PRKCSH: variants seen among roughly 807,000 people sequenced by gnomAD.
PRKCSH encodes glucosidase 2 subunit beta.
In PRKCSH, 42 loss-of-function variants were observed where a neutral mutation model predicts 79.7. The observed-to-expected ratio is 0.53, with a 90% CI of 0.41 to 0.68. The LOEUF is 0.68. Ranked by LOEUF, PRKCSH falls within the 30% of genes least tolerant of loss-of-function variation. The probability of loss-of-function intolerance (pLI) is 0.00; values close to 1 mark genes in which losing one functional copy is unlikely to be tolerated. For synonymous variants in PRKCSH, 325 were observed against 288.2 expected (o/e 1.13, Z -1.29); for missense variants, 686 against 709.0 (o/e 0.97, Z 0.37).
intron 7 of PRKCSH, among the ~76,000 whole-genome samples, chr19:11,443,797 T>C (rs1970174465): frequency 6.6e-6 from 1 of 152,122 alleles, no homozygotes; most frequent in Admixed American, 6.6e-5. Context: ...ATTTTTGAGA[T>C]GGAGTCTCAC....
intron 3 of PRKCSH, 50 bp from the exon 4 acceptor site, chr19:11,437,824 ATG>A: frequency 6.7e-7 from 1 of 1,491,504 alleles, no homozygotes. Context: ...TGGATGGGAC[ATG>A]TCTGTCCCTG....
intron 7 of PRKCSH, 141 bp downstream of exon 7, chr19:11,442,656 C>T (rs565748564): frequency 1.5e-6 from 2 of 1,351,030 alleles, no homozygotes; most frequent in South Asian, 1.3e-5. Context: ...CTTTGAGGTT[C>T]GCTTGGATTG....
rs1250314303 is a variant in PRKCSH at position 11,443,122 on chromosome 19, CT to C, written c.598+613del. Among the ~76,000 whole-genome samples, 31 of 152,184 alleles carry C rather than the reference CT, an allele frequency of 2.0e-4. No individual in the cohort carries two copies. The East Asian group carries it at 5.8e-3, about 29-fold the overall frequency. Reference sequence around the variant, plus strand: ...TATTTGTCTTCACTAATTGTAAGAGCTTTTTTGTGGCTGGGCATGGTGGCTC... The same window carrying C: ...TATTTGTCTTCACTAATTGTAAGAGCTTTTTGTGGCTGGGCATGGTGGCTC... On this transcript the variant is annotated intron_variant, in intron 7 of 17. Transcript: ENST00000677123.
In PRKCSH at chr19:11,449,159, C is replaced by G; in HGVS notation, c.1445C>G (p.Pro482Arg). The change falls in exon 16 of 18, where the codon CCC (proline) becomes CGC (arginine). Residue 482 changes from proline (P) to arginine (R), a missense_variant. This residue lies in a region of PRKCSH where 137 missense variants were observed against 188.8 expected (regional missense o/e 0.73). Transcript: ENST00000677123. This position sits in a 1 kb window ranked among gnomAD's most constrained non-coding sequence, Gnocchi z 6.4. ...YEQGTGCWQGPNRSTTVRLLC... is the reference protein window; with the variant it reads ...YEQGTGCWQGRNRSTTVRLLC... ...CAAGGCACGGGCTGCTGGCAGGGCC[C>G]CAACCGCTCCACCACCGTGAGTGCC... 6.2e-7 allele frequency: 1 copy of G among 1,613,738 alleles called. No individual in the cohort carries two copies. Among genetic ancestry groups the G allele is most frequent in the Non-Finnish European group, 8.5e-7 (1 of 1,180,020 alleles).
In PRKCSH at chr19:11,449,339, A is replaced by T; in HGVS notation, c.1535A>T (p.Glu512Val). 2 of 1,613,396 alleles carry T rather than the reference A, an allele frequency of 1.2e-6. No homozygotes were observed. The highest frequency in any genetic ancestry group is 1.7e-6 in the Non-Finnish European group (2 of 1,179,938). Residue 512 changes from glutamate (E) to valine (V), a missense_variant, in exon 17 of 18, where the codon GAG becomes GTG. By Grantham distance (121) the Glu-to-Val change is moderately radical. This residue lies in a region of PRKCSH where 137 missense variants were observed against 188.8 expected (regional missense o/e 0.73). Coordinates refer to ENST00000677123, the MANE Select transcript of PRKCSH (RefSeq NM_001289104.2). This position sits in a 1 kb window ranked among gnomAD's most constrained non-coding sequence, Gnocchi z 6.4. Reference protein sequence around the residue: ...TEPSRCEYLMELMTPAACPEP... With the variant: ...TEPSRCEYLMVLMTPAACPEP... ...CCCAGTCGCTGCGAGTACCTCATGG[A>T]GCTGATGACGCCAGCCGCCTGCCCG... is the stretch of plus-strand genomic sequence containing the variant.
At chr19:11,445,875 T>G (rs1970272943) in intron 8 of PRKCSH, 4 of 423,352 alleles carry the variant, frequency 9.4e-6, no homozygotes, top group Non-Finnish European at 1.3e-5. Flanking sequence ...ACGGGGAGCC[T>G]AGGAGATGTC....
chr19:11,450,213 C>A (rs1970543553), intron 17 of PRKCSH, among the ~76,000 whole-genome samples: 2 of 151,382 alleles, frequency 1.3e-5, no homozygotes, highest in Admixed American at 1.3e-4. Flanking sequence ...TGGCTCACAT[C>A]TGTAATCCCA....
In PRKCSH at chr19:11,448,743, A is replaced by T; in HGVS notation, c.1286+114A>T. On this transcript the variant is annotated intron_variant, in intron 14 of 17. Coordinates refer to ENST00000677123, the MANE Select transcript of PRKCSH (RefSeq NM_001289104.2). The surrounding 1 kb of genome is among the most constrained non-coding windows in gnomAD (Gnocchi z 4.4). Reference sequence around the variant, plus strand: ...GAACCATCTGCGGGTGGGGCCCGAGAGTGCTGCCTTCCATATTGAGGGGGA... The same window carrying T: ...GAACCATCTGCGGGTGGGGCCCGAGTGTGCTGCCTTCCATATTGAGGGGGA... The T allele has an allele frequency of 7.5e-7, 1 of 1,333,424 alleles. No homozygotes were observed. The highest frequency in any genetic ancestry group is 1.1e-6 in the Non-Finnish European group (1 of 931,368). 82.6% of individuals were successfully genotyped at this position (1,333,424 alleles called of 1,614,324 possible).
Position 11,438,062 on chromosome 19 carries a change from C to G in PRKCSH, c.293-5C>G. ...GTCTGATCTTGGCTTCTGCCTCTGCCACAGACTGCTGCGATGGAACAGACG... is the reference window on the plus strand; with the variant it reads ...GTCTGATCTTGGCTTCTGCCTCTGCGACAGACTGCTGCGATGGAACAGACG... On this transcript the variant is annotated splice_polypyrimidine_tract_variant and splice_region_variant and intron_variant, in intron 4 of 17. Transcript: ENST00000677123. 1 of 1,614,134 alleles carries G rather than the reference C, an allele frequency of 6.2e-7. No individual in the cohort carries two copies. Among genetic ancestry groups the G allele is most frequent in the African/African-American group, 1.3e-5 (1 of 75,062 alleles).
At chr19:11,437,751 C>A in intron 3 of PRKCSH, 125 bp from the exon 4 acceptor site, 1 of 880,906 alleles carries the variant, frequency 1.1e-6, no homozygotes, top group South Asian at 1.3e-5. Context: ...CTCTTTCCTT[C>A]CTTTGGTTTC....
intron 5 of PRKCSH, among the ~76,000 whole-genome samples, chr19:11,438,476 G>A (rs1969888128): frequency 6.6e-6 from 1 of 152,112 alleles, no homozygotes; most frequent in Non-Finnish European, 1.5e-5. Flanking sequence ...ACGGAAGGAG[G>A]CCAGGCGCGG....
At chr19:11,441,522 G>A (rs946782897) in intron 6 of PRKCSH, among the ~76,000 whole-genome samples, 165 bp downstream of exon 6, 4 of 152,156 alleles carry the variant, frequency 2.6e-5, no homozygotes, top group Admixed American at 6.5e-5. Flanking sequence ...TTAGTCATTG[G>A]CTAAGTATAA....
At position 11,449,168 on chromosome 19, in the gene PRKCSH, C is replaced by T. The variant is rs377283508; in HGVS notation, c.1454C>T (p.Ser485Phe). Residue 485 changes from serine to phenylalanine, a missense_variant, in exon 16 of 18, where the codon TCC becomes TTC. Physicochemically the swap from Ser to Phe is radical, Grantham distance 155 (BLOSUM62 -2). This residue lies in a region of PRKCSH where 137 missense variants were observed against 188.8 expected (regional missense o/e 0.73). Transcript: ENST00000677123. The surrounding 1 kb of genome is among the most constrained non-coding windows in gnomAD (Gnocchi z 6.4). ...GTGCWQGPNRSTTVRLLCGKE... is the reference protein window; with the variant it reads ...GTGCWQGPNRFTTVRLLCGKE... ...GGCTGCTGGCAGGGCCCCAACCGCT[C>T]CACCACCGTGAGTGCCTGCAAGGCA... The T allele has an allele frequency of 1.2e-6, 2 of 1,613,764 alleles. No individual in the cohort carries two copies. The highest frequency in any genetic ancestry group is 1.7e-6 in the Non-Finnish European group (2 of 1,180,022).
Position 11,438,112 on chromosome 19 carries a change from A to G in PRKCSH, c.338A>G (p.Glu113Gly). 2.5e-6 allele frequency: 4 copies of G among 1,614,116 alleles called. No individual in the cohort carries two copies. The highest frequency in any genetic ancestry group is 3.4e-6 in the Non-Finnish European group (4 of 1,180,002). The change falls in exon 5 of 18, where the codon GAG (glutamate) becomes GGG (glycine). Residue 113 changes from glutamate (E) to glycine (G), a missense_variant. Glu to Gly is a moderately conservative substitution (Grantham distance 98, BLOSUM62 -2). This residue lies in a region of PRKCSH where 549 missense variants were observed against 520.2 expected (regional missense o/e 1.06). Transcript: ENST00000677123. ...TDEYNSGVIC[E>G]NTCKEKGRKE... ...GAGTACAACAGCGGCGTCATCTGTG[A>G]GAACACCTGCAAGTACGTGGGTGAC...
chr19:11,447,016 G>T lies in PRKCSH; in HGVS notation c.763-58G>T, dbSNP rs1970337583. ...GGCACCGCAGCCCGGGTGCCGGGGT[G>T]GCCGAGATGGGGGACACGTGGTGGC... On this transcript the variant is annotated intron_variant, in intron 9 of 17. Coordinates refer to ENST00000677123, the MANE Select transcript of PRKCSH (RefSeq NM_001289104.2). This position sits in a 1 kb window ranked among gnomAD's most constrained non-coding sequence, Gnocchi z 5.6. 2.5e-6 allele frequency: 4 copies of T among 1,575,008 alleles called. No homozygotes were observed. Among genetic ancestry groups the T allele is most frequent in the East Asian group, 2.2e-5 (1 of 44,612 alleles).
chr19:11,446,380 T>G (rs1970300604), intron 9 of PRKCSH, 30 bp downstream of exon 9: 1 of 1,603,590 alleles, frequency 6.2e-7, no homozygotes, highest in African/African-American at 1.3e-5. Context: ...GGTTGGGGAC[T>G]TCTAGGGAGC....
chr19:11,444,497 T>C (rs897656582), intron 7 of PRKCSH, among the ~76,000 whole-genome samples: 1 of 152,194 alleles, frequency 6.6e-6, no homozygotes. Flanking sequence ...CCGGGTCTCC[T>C]GGGACATGCG....
intron 3 of PRKCSH, 84 bp from the exon 4 acceptor site, chr19:11,437,792 G>A (rs1332913976): frequency 2.6e-5 from 31 of 1,182,138 alleles, no homozygotes; most frequent in Non-Finnish European, 3.8e-5. Context: ...TGCAGTGTGG[G>A]TCAGGGGCTC....
chr19:11,448,552 A>G lies in PRKCSH; in HGVS notation c.1209A>G (p.Gln403=), dbSNP rs765037756. 3 of 1,594,302 alleles carry G rather than the reference A, an allele frequency of 1.9e-6. No homozygotes were observed. The highest frequency in any genetic ancestry group is 2.6e-6 in the Non-Finnish European group (3 of 1,161,908). ...CCTCCCCTTCCAGGAACCTGGAGCA[A>G]GAGATTTCTTTTGACTTTGGCCCCA... ...DMEESIRNLE[Q]EISFDFGPNG... The change falls in exon 14 of 18, where the codon CAA becomes CAG. Residue 403 remains glutamine, a synonymous_variant. Coordinates refer to ENST00000677123, the MANE Select transcript of PRKCSH (RefSeq NM_001289104.2). The surrounding 1 kb of genome is among the most constrained non-coding windows in gnomAD (Gnocchi z 4.4).
Sources: allele counts gnomAD v4.1 joint callset (sites outside exome capture counted in the v4.1 genomes callset), GRCh38; gene constraint gnomAD v4.1.1; regional missense constraint gnomAD v4.1.1; non-coding constraint Gnocchi (gnomAD v3.1); transcripts MANE v1.5; gene names NCBI Gene and HGNC (gene_info 2026-07-23, HGNC 2026-07-21).